The following CSMD1 variants were observed in gnomAD, a reference collection of about 807,000 sequenced individuals.
CSMD1 encodes the protein CUB and sushi domain-containing protein 1.
CSMD1 carries 213 observed loss-of-function variants against 417.5 expected under a neutral mutation model. The observed-to-expected ratio is 0.51, with a 90% CI of 0.46 to 0.57. The LOEUF is 0.57. CSMD1 is among the 20% of genes least tolerant of loss of function. The pLI, the probability that CSMD1 is intolerant of heterozygous loss-of-function variation, is 0.00. For synonymous variants in CSMD1, 2,862 were observed against 1,736.8 expected, an observed-to-expected ratio of 1.65 and a Z score of -16.11; for missense variants, 6,923 against 4,529.7, an observed-to-expected ratio of 1.53 and a Z score of -15.17.
intron 2 of CSMD1, among the ~76,000 whole-genome samples, chr8:4,488,025 G>A (rs1026738646): frequency 2.0e-5 from 3 of 152,152 alleles, no homozygotes; most frequent in Non-Finnish European, 2.9e-5. Context: ...CTTTCTGGAG[G>A]TGAGTAGGTC....
At chr8:3,983,282 C>T (rs1814038888) in intron 5 of CSMD1, among the ~76,000 whole-genome samples, 1 of 152,030 alleles carries the variant, frequency 6.6e-6, no homozygotes, top group Admixed American at 6.6e-5. Context: ...AGGCGCCCAC[C>T]ACCACGCCCG....
intron 37 of CSMD1, among the ~76,000 whole-genome samples, chr8:3,165,258 G>C (rs1486272397): frequency 1.3e-5 from 2 of 151,972 alleles, no homozygotes; most frequent in South Asian, 2.1e-4. Flanking sequence ...ATTTAAACCT[G>C]CTACTATATT....
chr8:4,522,113 C>G (rs1310484796), intron 2 of CSMD1, among the ~76,000 whole-genome samples: 1 of 152,020 alleles, frequency 6.6e-6, no homozygotes, highest in African/African-American at 2.4e-5. Flanking sequence ...GTGGGAGGAG[C>G]CTGGGGGGAG....
intron 1 of CSMD1, among the ~76,000 whole-genome samples, chr8:4,811,958 T>C (rs1425699728): frequency 1.3e-5 from 2 of 152,174 alleles, no homozygotes; most frequent in African/African-American, 2.4e-5. Flanking sequence ...GTCATAGAAA[T>C]ACATGCTGGT....
intron 12 of CSMD1, among the ~76,000 whole-genome samples, chr8:3,450,043 C>T (rs1180182035): frequency 6.6e-6 from 1 of 152,184 alleles, no homozygotes; most frequent in Non-Finnish European, 1.5e-5. Context: ...AGGAGCCTCT[C>T]CTTCCCTGGT....
chr8:3,989,475 A>T (rs2130267469), intron 5 of CSMD1, among the ~76,000 whole-genome samples: 1 of 152,334 alleles, frequency 6.6e-6, no homozygotes, highest in African/African-American at 2.4e-5. Flanking sequence ...AACACAGACA[A>T]AAAACCTGGA....
chr8:3,096,261 C>T (rs1047276262), intron 47 of CSMD1, among the ~76,000 whole-genome samples: 4 of 152,160 alleles, frequency 2.6e-5, no homozygotes, highest in Non-Finnish European at 5.9e-5. Flanking sequence ...TATGGTTTGG[C>T]TGTGTCCCCT....
At chr8:4,609,087 T>C in intron 2 of CSMD1, among the ~76,000 whole-genome samples, 1 of 151,844 alleles carries the variant, frequency 6.6e-6, no homozygotes, top group East Asian at 1.9e-4. Flanking sequence ...GTTACTGAGT[T>C]TTAGTTTTCT....
At chr8:3,417,574 G>T (rs779373585) in intron 12 of CSMD1, among the ~76,000 whole-genome samples, 8 of 152,178 alleles carry the variant, frequency 5.3e-5, no homozygotes, top group Non-Finnish European at 1.2e-4. Flanking sequence ...TTCCAGGGCT[G>T]CCATAGCTAC....
intron 49 of CSMD1, among the ~76,000 whole-genome samples, chr8:3,060,193 T>G (rs1309695913): frequency 6.7e-6 from 1 of 149,986 alleles, no homozygotes. Flanking sequence ...TCGCCCAGGC[T>G]GGAGTGCAGT....
chr8:3,106,548 C>T lies in CSMD1; in HGVS notation c.6929G>A (p.Gly2310Asp), dbSNP rs780060162. 3.7e-6 allele frequency: 6 copies of T among 1,613,186 alleles called. No homozygotes were observed. The highest frequency in any genetic ancestry group is 1.1e-5 in the South Asian group (1 of 90,998). Residue 2310 changes from glycine to aspartate, a missense_variant, in exon 46 of 70, where the codon GGT becomes GAT. By Grantham distance (94) the Gly-to-Asp change is moderately conservative. Transcript: ENST00000635120. Reference protein sequence around the residue: ...CKLSSQLQFEGSLPTCEAQCP... With the variant: ...CKLSSQLQFEDSLPTCEAQCP... ...CATACCTTCACATGTTGGGAGAGAACCCTCAAACTGCAACTGGGAACTGAG... is the reference window on the plus strand; with the variant it reads ...CATACCTTCACATGTTGGGAGAGAATCCTCAAACTGCAACTGGGAACTGAG...
chr8:4,666,108 T>TG (rs376450836), intron 1 of CSMD1, among the ~76,000 whole-genome samples: 1 of 152,054 alleles, frequency 6.6e-6, no homozygotes, highest in African/African-American at 2.4e-5. Flanking sequence ...CTGTGGTGAC[T>TG]GGGGGGCGCT....
intron 10 of CSMD1, among the ~76,000 whole-genome samples, chr8:3,554,552 G>A (rs1424784954): frequency 6.6e-6 from 1 of 152,202 alleles, no homozygotes; most frequent in African/African-American, 2.4e-5. Context: ...CTCCTGCTCT[G>A]TTGGAAGCCA....
chr8:4,949,434 C>T (rs947082782), intron 1 of CSMD1, among the ~76,000 whole-genome samples: 2 of 152,142 alleles, frequency 1.3e-5, no homozygotes, highest in African/African-American at 2.4e-5. Flanking sequence ...TTTGAGTATG[C>T]TGTATTATTT....
intron 5 of CSMD1, among the ~76,000 whole-genome samples, chr8:3,962,437 G>C (rs1298715085): frequency 1.3e-5 from 2 of 152,140 alleles, no homozygotes; most frequent in African/African-American, 2.4e-5. Flanking sequence ...CTCTCAGCTG[G>C]GTGATGTGAG....
In CSMD1 at chr8:4,764,781, G is replaced by A. The variant is rs895615950; in HGVS notation, c.86-127223C>T. ...CCAGCTACTCTGGAGGCTGCGGCAG[G>A]AGAATGGTGTGAACCCAGGAGGCAG... is the stretch of plus-strand genomic sequence containing the variant. On this transcript the variant is annotated intron_variant, in intron 1 of 69. Transcript: ENST00000635120. Among the ~76,000 whole-genome samples the A allele has an allele frequency of 1.3e-5, 2 of 149,614 alleles. 1 individual carries two copies. Among genetic ancestry groups the A allele is most frequent in the Non-Finnish European group, 3.0e-5 (2 of 67,566 alleles).
chr8:4,991,620 C>A (rs937894660), intron 1 of CSMD1, among the ~76,000 whole-genome samples: 8 of 152,174 alleles, frequency 5.3e-5, no homozygotes, highest in African/African-American at 1.9e-4. Context: ...CCGGGAAAGC[C>A]CTGCTGCTTG....
chr8:4,702,325 C>T (rs1042399732), intron 1 of CSMD1, among the ~76,000 whole-genome samples: 19 of 152,164 alleles, frequency 1.2e-4, no homozygotes, highest in African/African-American at 4.6e-4. Flanking sequence ...GGGCCTCTGA[C>T]TGGATTAGGA....
chr8:4,706,429 G>A (rs1584972876), intron 1 of CSMD1, among the ~76,000 whole-genome samples: 3 of 152,164 alleles, frequency 2.0e-5, no homozygotes, highest in African/African-American at 7.2e-5. Flanking sequence ...CATAACAGAT[G>A]ATATGACCAA....
Sources: gnomAD v4.1 joint callset for allele counts (sites outside exome capture counted in the v4.1 genomes callset) on GRCh38, gnomAD v4.1.1 for gene constraint, MANE v1.5 for transcripts, NCBI Gene and HGNC (gene_info 2026-07-23, HGNC 2026-07-21) for gene names.